The following SAMD12 variants were observed in gnomAD, a reference collection of about 807,000 sequenced individuals.
The protein encoded by SAMD12 is sterile alpha motif domain containing 12, also known as sterile alpha motif domain-containing protein 12.
In SAMD12, 9 loss-of-function variants were observed where a neutral mutation model predicts 15.0. The ratio of observed to expected loss-of-function variants is 0.60; its 90% CI spans 0.36 to 1.05. The LOEUF is 1.05. Ranked by LOEUF, SAMD12 falls within the 50% of genes least tolerant of loss-of-function variation. The pLI, the probability that SAMD12 is intolerant of heterozygous loss-of-function variation, is 0.01. For synonymous variants in SAMD12, 86 were observed against 90.1 expected, an observed-to-expected ratio of 0.96 and a Z score of 0.25; for missense variants, 230 against 234.2, an observed-to-expected ratio of 0.98 and a Z score of 0.12.
At chr8:118,567,510 T>A (rs1185640662) in intron 2 of SAMD12, among the ~76,000 whole-genome samples, 1 of 152,140 alleles carries the variant, frequency 6.6e-6, no homozygotes, top group Non-Finnish European at 1.5e-5. Context: ...ATAGATAAGC[T>A]ACACAATACA....
chr8:118,245,364 C>T (rs1285535855), intron 4 of SAMD12, among the ~76,000 whole-genome samples: 1 of 152,118 alleles, frequency 6.6e-6, no homozygotes, highest in Non-Finnish European at 1.5e-5. Context: ...GAACCAAAAA[C>T]ATTAGGCCTA....
chr8:118,575,263 T>C (rs1284763084), intron 2 of SAMD12, among the ~76,000 whole-genome samples: 4 of 152,194 alleles, frequency 2.6e-5, no homozygotes, highest in Non-Finnish European at 5.9e-5. Flanking sequence ...ATTCACATAA[T>C]GCATCCCAAA....
intron 1 of SAMD12, among the ~76,000 whole-genome samples, chr8:118,615,605 C>T (rs969207893): frequency 1.4e-4 from 22 of 152,178 alleles, no homozygotes; most frequent in Admixed American, 3.9e-4. Context: ...GACACTCACT[C>T]GCCAGAGTTC....
At chr8:118,416,067 A>G (rs1821672808) in intron 3 of SAMD12, among the ~76,000 whole-genome samples, 1 of 152,146 alleles carries the variant, frequency 6.6e-6, no homozygotes, top group African/African-American at 2.4e-5. Context: ...GCTCAGTGTT[A>G]TAAAAGGAGA....
intron 4 of SAMD12, among the ~76,000 whole-genome samples, chr8:118,208,625 A>G (rs1819933642): frequency 6.6e-6 from 1 of 152,224 alleles, no homozygotes; most frequent in African/African-American, 2.4e-5. Context: ...CATGGCAGCC[A>G]TTAGCCACAT....
intron 2 of SAMD12, among the ~76,000 whole-genome samples, chr8:118,556,915 G>C (rs1026904796): frequency 5.9e-5 from 9 of 151,312 alleles, no homozygotes; most frequent in African/African-American, 2.2e-4. Flanking sequence ...AGTGAGCCGA[G>C]ATCATGCCAC....
In SAMD12 at chr8:118,366,838, A is replaced by AATAT. The variant is rs1563799831; in HGVS notation, c.433+12721_433+12722insATAT. Among the ~76,000 whole-genome samples, 46 of 102,928 alleles carry AATAT rather than the reference A, an allele frequency of 4.5e-4. 1 individual carries two copies. The highest frequency in any genetic ancestry group is 1.7e-3 in the African/African-American group (44 of 25,736). 67.5% of individuals were successfully genotyped at this position (102,928 alleles called of 152,430 possible). A position where few individuals can be genotyped will look rare whatever the true frequency, so the allele number is the denominator to read the frequency against. On this transcript the variant is annotated intron_variant, in intron 4 of 4. Coordinates refer to the SAMD12 transcript ENST00000409003. ...AAATAAAATAAAATAAAATAAAATAAAATAAAATAAAATAAAATAAAATAA... is the reference window on the plus strand; with the variant it reads ...AAATAAAATAAAATAAAATAAAATAAATATAATAAAATAAAATAAAATAAAATAA...
At chr8:118,298,876 A>G (rs1012727125) in intron 4 of SAMD12, among the ~76,000 whole-genome samples, 1 of 152,210 alleles carries the variant, frequency 6.6e-6, no homozygotes, top group African/African-American at 2.4e-5. Flanking sequence ...AGTAGTTGGT[A>G]TTTTGAAGCA....
At chr8:118,583,032 T>C (rs1452665666) in intron 1 of SAMD12, among the ~76,000 whole-genome samples, 3 of 152,190 alleles carry the variant, frequency 2.0e-5, no homozygotes, top group Non-Finnish European at 2.9e-5. Context: ...TGGTTGACTA[T>C]GGCTTTTTCT....
At chr8:118,593,442 C>T (rs1827638399) in intron 1 of SAMD12, among the ~76,000 whole-genome samples, 1 of 152,132 alleles carries the variant, frequency 6.6e-6, no homozygotes, top group Non-Finnish European at 1.5e-5. Context: ...TCTGAATGTA[C>T]CTTGGTCCAT....
chr8:118,194,220 C>T (rs1819491055), exon 5 of SAMD12: 1 of 152,100 alleles, frequency 6.6e-6, no homozygotes, highest in South Asian at 2.1e-4. Context: ...TTCCTCAGGA[C>T]TAAGGACCGT....
At chr8:118,511,418 T>C (rs931726968) in intron 2 of SAMD12, among the ~76,000 whole-genome samples, 1 of 152,002 alleles carries the variant, frequency 6.6e-6, no homozygotes, top group African/African-American at 2.4e-5. Flanking sequence ...AGCAGGTCAA[T>C]TGACAAATTT....
chr8:118,153,319 G>A, the SAMD12 span, among the ~76,000 whole-genome samples: 4 of 83,416 alleles, frequency 4.8e-5, no homozygotes, highest in African/African-American at 1.2e-4. Context: ...GAGCCAAAGG[G>A]CAAGCCCCAC....
chr8:118,532,740 C>T (rs139981063), intron 2 of SAMD12, among the ~76,000 whole-genome samples: 152,321 of 152,334 alleles, frequency 1, 76,154 homozygotes, highest in Non-Finnish European at 1. Flanking sequence ...GTGTTTATAG[C>T]ATTCTCTGAT....
chr8:118,448,248 T>A (rs940561608), intron 2 of SAMD12, among the ~76,000 whole-genome samples: 7 of 152,164 alleles, frequency 4.6e-5, no homozygotes, highest in African/African-American at 1.7e-4. Flanking sequence ...TCTCCCTGTT[T>A]AAAAATGCAA....
chr8:118,425,333 T>C (rs1335253883), intron 3 of SAMD12, among the ~76,000 whole-genome samples: 1 of 152,036 alleles, frequency 6.6e-6, no homozygotes, highest in Non-Finnish European at 1.5e-5. Context: ...TCCAAAAACA[T>C]GCAAAACCAA....
chr8:118,387,475 C>T (rs962221283), intron 3 of SAMD12, among the ~76,000 whole-genome samples: 2 of 39,164 alleles, frequency 5.1e-5, no homozygotes, highest in African/African-American at 2.2e-4. Context: ...CCTCCTCCTC[C>T]TCATAATTGT....
At chr8:118,429,838 G>A (rs750465981) in intron 3 of SAMD12, among the ~76,000 whole-genome samples, 3 of 152,116 alleles carry the variant, frequency 2.0e-5, no homozygotes, top group Non-Finnish European at 4.4e-5. Context: ...AGGTTGCAGT[G>A]AGCCAAGATC....
At chr8:118,556,948 T>G (rs1322217364) in intron 2 of SAMD12, among the ~76,000 whole-genome samples, 1 of 149,670 alleles carries the variant, frequency 6.7e-6, no homozygotes, top group East Asian at 2.0e-4. Context: ...CAGGCGACAG[T>G]GCGAGACTCC....
Sources: gnomAD v4.1 joint callset for allele counts (sites outside exome capture counted in the v4.1 genomes callset) on GRCh38, gnomAD v4.1.1 for gene constraint, MANE v1.5 for transcripts, NCBI Gene and HGNC (gene_info 2026-07-23, HGNC 2026-07-21) for gene names.